The following BRSK1 variants were observed in gnomAD, a reference collection of about 807,000 sequenced individuals.
BRSK1 encodes serine/threonine-protein kinase BRSK1.
A neutral mutation model predicts 86.2 loss-of-function variants in BRSK1; 17 were observed. The ratio of observed to expected loss-of-function variants is 0.20; its 90% confidence interval spans 0.14 to 0.30. The LOEUF is 0.30. Ranked by LOEUF, BRSK1 falls within the 10% of genes least tolerant of loss-of-function variation. The pLI, the probability that BRSK1 is intolerant of heterozygous loss-of-function variation, is 1.00. For missense variants in BRSK1, 719 were observed against 1,071.9 expected, an observed-to-expected ratio of 0.67 and a Z score of 4.60; for synonymous variants, 464 against 440.1, an observed-to-expected ratio of 1.05 and a Z score of -0.68.
chr19:55,290,332 T>C (rs1170938568), intron 4 of BRSK1, among the ~76,000 whole-genome samples: 1 of 152,140 alleles, frequency 6.6e-6, no homozygotes, highest in Non-Finnish European at 1.5e-5. Flanking sequence ...TTTTTAAAAT[T>C]TGATTTAGTC....
chr19:55,296,595 A>C (rs770614707), intron 7 of BRSK1, among the ~76,000 whole-genome samples: 9 of 151,928 alleles, frequency 5.9e-5, no homozygotes, highest in Non-Finnish European at 7.4e-5. Context: ...GCCTGTAATC[A>C]CAGCACTTTG....
Position 55,303,624 on chromosome 19 carries a change from G to T in BRSK1, c.1127-43G>T, listed in dbSNP as rs1471663308. 1 of 1,568,858 alleles carries T rather than the reference G, an allele frequency of 6.4e-7. No homozygotes were observed. The highest frequency in any genetic ancestry group is 8.7e-7 in the Non-Finnish European group (1 of 1,154,822). ...TTTCTGAGGCAGTTGTACACAGCTG[G>T]GTGAAACCATCTCTTGATTGGGTTG... On this transcript the variant is annotated intron_variant, in intron 11 of 18. Coordinates refer to ENST00000309383, the MANE Select transcript of BRSK1 (RefSeq NM_032430.2). The surrounding 1 kb of genome is among the most constrained non-coding windows in gnomAD (Gnocchi z 5.1).
chr19:55,284,296 C>T lies in BRSK1; in HGVS notation c.-147C>T. The T allele has an allele frequency of 3.1e-6, 2 of 648,402 alleles. No individual in the cohort carries two copies. The highest frequency in any genetic ancestry group is 4.4e-6 in the Non-Finnish European group (2 of 458,800). 40.2% of individuals were successfully genotyped at this position (648,402 alleles called of 1,614,324 possible). On this transcript the variant is annotated 5_prime_UTR_variant, in exon 1 of 19. Coordinates refer to ENST00000309383, the MANE Select transcript of BRSK1 (RefSeq NM_032430.2). Reference sequence around the variant, plus strand: ...TCCGCGGCCCGCCGACTGGGGGGGGCCAGCCCAGCCCCCTGGGGACCCCCG... The same window carrying T: ...TCCGCGGCCCGCCGACTGGGGGGGGTCAGCCCAGCCCCCTGGGGACCCCCG...
At chr19:55,307,233 A>G (rs2088664759) in intron 17 of BRSK1, among the ~76,000 whole-genome samples, 1 of 152,128 alleles carries the variant, frequency 6.6e-6, no homozygotes, top group Admixed American at 6.6e-5. Flanking sequence ...ACCAAAACCA[A>G]TTATGACTCT....
Position 55,304,450 on chromosome 19 carries a change from T to C in BRSK1, c.1348-101T>C. 7.5e-7 allele frequency: 1 copy of C among 1,329,246 alleles called. No individual in the cohort carries two copies. Among genetic ancestry groups the C allele is most frequent in the African/African-American group, 1.5e-5 (1 of 67,068 alleles). The allele number at this position is 1,329,246 out of a possible 1,614,324, so 82.3% of individuals were successfully genotyped here. On this transcript the variant is annotated intron_variant, in intron 13 of 18. Transcript: ENST00000309383. The surrounding 1 kb of genome is among the most constrained non-coding windows in gnomAD (Gnocchi z 5.2). ...GATACTTGGACTACAAGTTGCAGCATGCACCGGGCCAGCGTCCGTGAGTGT... is the reference window on the plus strand; with the variant it reads ...GATACTTGGACTACAAGTTGCAGCACGCACCGGGCCAGCGTCCGTGAGTGT...
Position 55,303,864 on chromosome 19 carries a change from C to T in BRSK1, c.1286+38C>T. On this transcript the variant is annotated intron_variant, in intron 12 of 18. Transcript: ENST00000309383. This position sits in a 1 kb window ranked among gnomAD's most constrained non-coding sequence, Gnocchi z 5.1. ...GTCCCTCCAGGAGGATCCACAATCC[C>T]TGGGTCTAGGAGTTCAAGATTCTAA... 7 of 1,540,428 alleles carry T rather than the reference C, an allele frequency of 4.5e-6. No homozygotes were observed. Among genetic ancestry groups the T allele is most frequent in the Non-Finnish European group, 6.1e-6 (7 of 1,144,724 alleles).
At chr19:55,296,847 C>CA (rs2088496497) in intron 7 of BRSK1, among the ~76,000 whole-genome samples, 1 of 149,800 alleles carries the variant, frequency 6.7e-6, no homozygotes, top group Middle Eastern at 3.2e-3. Flanking sequence ...GACTCCGTCT[C>CA]AAAAAAAATG....
At position 55,301,601 on chromosome 19, in the gene BRSK1, A is replaced by G. The variant is rs371364099; in HGVS notation, c.768A>G (p.Pro256=). The G allele has an allele frequency of 4.3e-6, 7 of 1,613,386 alleles. No homozygotes were observed. In the Admixed American group the frequency reaches 6.7e-5, roughly 15 times the overall value. ...TCCACATGCCCCACTTCATTCCTCC[A>G]GATTGCCAGAGCCTCCTGAGGGGAA... is the stretch of plus-strand genomic sequence containing the variant. ...GVFHMPHFIP[P]DCQSLLRGMI... The change falls in exon 8 of 19, where the codon CCA becomes CCG. Residue 256 remains proline, a synonymous_variant. Coordinates refer to ENST00000309383, the MANE Select transcript of BRSK1 (RefSeq NM_032430.2).
In BRSK1 at chr19:55,303,952, A is replaced by G; in HGVS notation, c.1287-98A>G. ...AATTCACCTCCCCTCTCTGGGCCTC[A>G]TTTCCTCACCTGGAAGGACTGTAGA... On this transcript the variant is annotated intron_variant, in intron 12 of 18. Coordinates refer to ENST00000309383, the MANE Select transcript of BRSK1 (RefSeq NM_032430.2). The surrounding 1 kb of genome is among the most constrained non-coding windows in gnomAD (Gnocchi z 5.1). 6.6e-7 allele frequency: 1 copy of G among 1,513,232 alleles called. No individual in the cohort carries two copies. Among genetic ancestry groups the G allele is most frequent in the Non-Finnish European group, 8.9e-7 (1 of 1,125,988 alleles). The allele number at this position is 1,513,232 out of a possible 1,614,324, so 93.7% of individuals were successfully genotyped here.
chr19:55,311,988 CCA>C lies in BRSK1; in HGVS notation c.2258_2259del (p.Pro753ArgfsTer50). 6.3e-7 allele frequency: 1 copy of C among 1,575,784 alleles called. No individual in the cohort carries two copies. The highest frequency in any genetic ancestry group is 8.6e-7 in the Non-Finnish European group (1 of 1,160,672). On this transcript the variant is annotated frameshift_variant, in exon 19 of 19. Transcript: ENST00000309383. LOFTEE classifies it high-confidence loss of function. ...GCAGCCCCCACCCGGCCGCCCAGACCCAGAGCTGAGCAGCTCTCCCCGCCGAG... is the reference window on the plus strand; with the variant it reads ...GCAGCCCCCACCCGGCCGCCCAGACCGAGCTGAGCAGCTCTCCCCGCCGAG... The part of the protein sequence containing the change: ...SLQPPPGRPD[P>X]ELSSSPRRGP...
chr19:55,284,512 C>T lies in BRSK1; in HGVS notation c.70C>T (p.Pro24Ser). ...AYHLPHPHPH[P>S]PQHAQYVGPY... is the part of the protein sequence containing the mutation. Reference sequence around the variant, plus strand: ...CCACCTCCCCCACCCCCACCCCCACCCACCCCAGCACGCCCAATATGTGGG... The same window carrying T: ...CCACCTCCCCCACCCCCACCCCCACTCACCCCAGCACGCCCAATATGTGGG... The change falls in exon 1 of 19, where the codon CCA becomes TCA. Residue 24 changes from proline to serine, a missense_variant. Physicochemically the swap from Pro to Ser is moderately conservative, Grantham distance 74. Around this residue, in one of 6 missense-constraint regions of BRSK1, gnomAD observed 71 missense variants for 92.6 expected, o/e 0.77. Transcript: ENST00000309383. The T allele has an allele frequency of 7.6e-7, 1 of 1,319,830 alleles. No individual in the cohort carries two copies. The highest frequency in any genetic ancestry group is 9.9e-7 in the Non-Finnish European group (1 of 1,014,856). 81.8% of individuals were successfully genotyped at this position (1,319,830 alleles called of 1,614,324 possible).
At chr19:55,301,468 G>A in intron 7 of BRSK1, 44 bp from the exon 8 acceptor site, 8 of 1,599,334 alleles carry the variant, frequency 5.0e-6, no homozygotes, top group Non-Finnish European at 6.8e-6. Context: ...CTTGTGGTGA[G>A]GGTGAAATGT....
Position 55,306,826 on chromosome 19 carries a change from A to G in BRSK1, c.2089+376A>G, listed in dbSNP as rs1411211789. 6.6e-6 allele frequency among the ~76,000 whole-genome samples: 1 copy of G among 152,188 alleles called. No homozygotes were observed. The highest frequency in any genetic ancestry group is 2.4e-5 in the African/African-American group (1 of 41,444). ...AGCTGCAGCCCAACCCAGGCCTCCC[A>G]ACTTCAGAGGAGAGAGCCCAGCTCT... On this transcript the variant is annotated intron_variant, in intron 17 of 18. Transcript: ENST00000309383. The surrounding 1 kb of genome is among the most constrained non-coding windows in gnomAD (Gnocchi z 4.7).
rs1359703107 is a variant in BRSK1 at position 55,284,345 on chromosome 19, G to A, written c.-98G>A. ...CGGAGAGGTGGGGGGCAGCCGGGGG[G>A]GCCGGGACGGAGCGGTCGCCGGCCC... is the stretch of plus-strand genomic sequence containing the variant. On this transcript the variant is annotated 5_prime_UTR_variant, in exon 1 of 19. Transcript: ENST00000309383. 41 of 905,814 alleles carry A rather than the reference G, an allele frequency of 4.5e-5. No homozygotes were observed. Among genetic ancestry groups the A allele is most frequent in the Non-Finnish European group, 1.0e-5 (7 of 684,912 alleles). 56.1% of individuals were successfully genotyped at this position (905,814 alleles called of 1,614,324 possible).
intron 4 of BRSK1, among the ~76,000 whole-genome samples, chr19:55,290,262 C>T (rs1227414608): frequency 1.3e-5 from 2 of 152,208 alleles, no homozygotes; most frequent in Non-Finnish European, 2.9e-5. Flanking sequence ...TCCTAAAGTG[C>T]TAGGATTACA....
intron 18 of BRSK1, among the ~76,000 whole-genome samples, chr19:55,309,974 C>G (rs2123006621): frequency 6.6e-6 from 1 of 152,318 alleles, no homozygotes; most frequent in East Asian, 1.9e-4. Flanking sequence ...ACCCCTGGAC[C>G]CCGTTGAAAG....
rs2088625268 is a variant in BRSK1 at position 55,304,837 on chromosome 19, G to A, written c.1634G>A (p.Gly545Glu). ...TPPPSPGGGV[G>E]GAAWRSRLNS... ...CCCCCCAGCCCCGGCGGTGGCGTCGGGGGAGCCGCCTGGAGGAGTCGTCTC... is the reference window on the plus strand; with the variant it reads ...CCCCCCAGCCCCGGCGGTGGCGTCGAGGGAGCCGCCTGGAGGAGTCGTCTC... The change falls in exon 14 of 19, where the codon GGG becomes GAG. Residue 545 changes from glycine (G) to glutamate (E), a missense_variant. Gly to Glu is a moderately conservative substitution (Grantham distance 98, BLOSUM62 -2). Transcript: ENST00000309383. The surrounding 1 kb of genome is among the most constrained non-coding windows in gnomAD (Gnocchi z 5.2). The A allele has an allele frequency of 6.2e-7, 1 of 1,602,262 alleles. No homozygotes were observed. The highest frequency in any genetic ancestry group is 1.1e-5 in the South Asian group (1 of 90,130).
intron 17 of BRSK1, 80 bp from the exon 18 acceptor site, chr19:55,308,559 G>T: frequency 1.0e-6 from 1 of 997,294 alleles, no homozygotes; most frequent in East Asian, 2.6e-5. Context: ...CTTGGTGGAG[G>T]GACTGGGTTC....
intron 16 of BRSK1, among the ~76,000 whole-genome samples, 178 bp downstream of exon 16, chr19:55,305,764 G>C (rs1814044337): frequency 6.6e-6 from 1 of 152,182 alleles, no homozygotes; most frequent in Non-Finnish European, 1.5e-5. Context: ...GTGGCCAGAG[G>C]CCTGGAATTG....
Sources: allele counts gnomAD v4.1 joint callset (sites outside exome capture counted in the v4.1 genomes callset), GRCh38; gene constraint gnomAD v4.1.1; regional missense constraint gnomAD v4.1.1; non-coding constraint Gnocchi (gnomAD v3.1); transcripts MANE v1.5; gene names NCBI Gene and HGNC (gene_info 2026-07-23, HGNC 2026-07-21).